CEMIP2: variants seen among roughly 807,000 people sequenced by gnomAD.
CEMIP2 encodes the protein cell migration inducing hyaluronidase 2, also known as cell surface hyaluronidase CEMIP2.
Under a neutral mutation model 146.9 loss-of-function variants are expected in CEMIP2, and 79 were observed. That is an observed-to-expected ratio of 0.54 (90% CI 0.45 to 0.65). The LOEUF (loss-of-function observed/expected upper bound fraction) is 0.65. Among genes scored for constraint, CEMIP2 ranks in the 30% least tolerant of loss-of-function variants. CEMIP2 has a pLI of 0.00. For missense variants in CEMIP2, 1,596 were observed against 1,696.2 expected, an observed-to-expected ratio of 0.94 and a Z score of 1.04; for synonymous variants, 601 against 606.3, an observed-to-expected ratio of 0.99 and a Z score of 0.13.
chr9:71,697,804 A>G, intron 20 of CEMIP2, 181 bp downstream of exon 20: 1 of 586,474 alleles, frequency 1.7e-6, no homozygotes, highest in South Asian at 2.3e-5. Flanking sequence ...TATCTCTGTC[A>G]TAAATTTGAA....
Position 71,710,467 on chromosome 9 carries a change from A to G in CEMIP2, c.2770-993T>C, listed in dbSNP as rs528921201. Among the ~76,000 whole-genome samples the G allele has an allele frequency of 1.8e-4, 27 of 152,314 alleles. No homozygotes were observed. The South Asian group carries it at 5.6e-3, about 32-fold the overall frequency. ...TTTCCTACGTGGTTAAATCTGAGAA[A>G]AGCTTAGAGCATATTTTCCACCCTT... On this transcript the variant is annotated intron_variant, in intron 16 of 23. Coordinates refer to ENST00000377044, the MANE Select transcript of CEMIP2 (RefSeq NM_013390.3).
At chr9:71,732,830 C>G (rs3780611) in intron 6 of CEMIP2, among the ~76,000 whole-genome samples, 69,036 of 150,638 alleles carry the variant, frequency 0.46, 18,666 homozygotes, top group East Asian at 0.61. Context: ...CCTCAGCCTC[C>G]CAACACAGGG....
In CEMIP2 at chr9:71,683,826, T is replaced by C. The variant is rs1821976604; in HGVS notation, c.*1371A>G. The C allele has an allele frequency of 6.5e-6, 1 of 152,822 alleles. No homozygotes were observed. The highest frequency in any genetic ancestry group is 6.5e-5 in the Admixed American group (1 of 15,298). 9.5% of individuals were successfully genotyped at this position (152,822 alleles called of 1,614,324 possible). A position where few individuals can be genotyped will look rare whatever the true frequency, so the allele number is the denominator to read the frequency against. The stretch of plus-strand genomic sequence containing the variant: ...CCTAGAAGAGGAAAGTGAAATTATC[T>C]GTACTCATTGCCAGTGTCAGCCTGA... On this transcript the variant is annotated 3_prime_UTR_variant, in exon 24 of 24. Transcript: ENST00000377044.
intron 18 of CEMIP2, among the ~76,000 whole-genome samples, chr9:71,702,241 G>A (rs1822582464): frequency 7.3e-6 from 1 of 137,702 alleles, no homozygotes; most frequent in African/African-American, 2.8e-5. Flanking sequence ...CTGAGCAACA[G>A]AGCAAGATGT....
At chr9:71,739,361 CAAAAAAAAAAAAAAAA>C (rs71353516) in intron 5 of CEMIP2, among the ~76,000 whole-genome samples, 76 of 42,850 alleles carry the variant, frequency 1.8e-3, no homozygotes, top group African/African-American at 7.7e-3. Context: ...GACTCTGTCT[CAAAAAAAAAAAAAAAA>C]AAAAAAAAAA....
chr9:71,698,229 T>TA, intron 19 of CEMIP2, 25 bp from the exon 20 acceptor site: 1 of 1,605,884 alleles, frequency 6.2e-7, no homozygotes, highest in Non-Finnish European at 8.5e-7. Context: ...AACCAATCCA[T>TA]GTAGTTAGAC....
chr9:71,740,379 C>A, intron 4 of CEMIP2, 147 bp from the exon 5 acceptor site: 2 of 863,562 alleles, frequency 2.3e-6, no homozygotes, highest in Non-Finnish European at 3.5e-6. Flanking sequence ...GCTGCAGTTC[C>A]AAACCTTGAC....
Position 71,683,440 on chromosome 9 carries a change from C to T in CEMIP2, c.*1757G>A, listed in dbSNP as rs760677198. 1 of 151,566 alleles carries T rather than the reference C, an allele frequency of 6.6e-6. No individual in the cohort carries two copies. The highest frequency in any genetic ancestry group is 1.5e-5 in the Non-Finnish European group (1 of 67,880). The allele number at this position is 151,566 out of a possible 1,614,324, so 9.4% of individuals were successfully genotyped here. On this transcript the variant is annotated 3_prime_UTR_variant, in exon 24 of 24. Coordinates refer to ENST00000377044, the MANE Select transcript of CEMIP2 (RefSeq NM_013390.3). ...TATATAAAACAGAAAAACCAAGTGC[C>T]TTGGTAATTTACATATCTTCTCCAA...
At chr9:71,700,001 T>G (rs1822514335) in intron 19 of CEMIP2, among the ~76,000 whole-genome samples, 1 of 152,186 alleles carries the variant, frequency 6.6e-6, no homozygotes, top group Non-Finnish European at 1.5e-5. Flanking sequence ...TTATAGTGCA[T>G]AGACAATGGC....
chr9:71,722,374 G>A lies in CEMIP2; in HGVS notation c.2267+53C>T, dbSNP rs1823257589. 1.2e-5 allele frequency: 17 copies of A among 1,388,698 alleles called. 1 individual carries two copies. The highest frequency in any genetic ancestry group is 2.3e-5 in the East Asian group (1 of 43,150). The allele number at this position is 1,388,698 out of a possible 1,614,324, so 86.0% of individuals were successfully genotyped here. On this transcript the variant is annotated intron_variant, in intron 12 of 23. Transcript: ENST00000377044. ...GAGCACAATAAACTCCAGTTAGAAA[G>A]TTTTGCTTTGGCAAAGTATAGCTTG...
intron 18 of CEMIP2, among the ~76,000 whole-genome samples, chr9:71,701,396 G>A (rs766998464): frequency 2.0e-5 from 3 of 152,034 alleles, no homozygotes; most frequent in South Asian, 2.1e-4. Flanking sequence ...GTGAGCCACC[G>A]TGTCCAGCCC....
At chr9:71,712,006 C>T (rs1045308073) in intron 16 of CEMIP2, 77 bp downstream of exon 16, 22 of 1,497,892 alleles carry the variant, frequency 1.5e-5, no homozygotes, top group East Asian at 2.3e-5. Flanking sequence ...AAATCCTTTG[C>T]GTTTTTGTCT....
At position 71,735,012 on chromosome 9, in the gene CEMIP2, AAAAG is replaced by A. The variant is rs1823723602; in HGVS notation, c.1205-22_1205-19del. 1 of 1,570,364 alleles carries A rather than the reference AAAAG, an allele frequency of 6.4e-7. No homozygotes were observed. ...AGAAACGCCTAAACCAAAAAAAAAA[AAAAG>A]AAAAAGAAAGTGATACATTAACAGT... On this transcript the variant is annotated intron_variant, in intron 5 of 23. Coordinates refer to ENST00000377044, the MANE Select transcript of CEMIP2 (RefSeq NM_013390.3).
At chr9:71,768,868 C>A (rs1311181958), upstream of CEMIP2, 1 of 126,916 alleles carries the variant, frequency 7.9e-6, no homozygotes, top group African/African-American at 2.9e-5. Flanking sequence ...GACAAGCAGC[C>A]CGGCTCGGCT....
intron 6 of CEMIP2, 59 bp from the exon 7 acceptor site, chr9:71,732,579 C>T (rs1823650844): frequency 2.1e-6 from 3 of 1,440,816 alleles, no homozygotes; most frequent in Non-Finnish European, 1.8e-6. Flanking sequence ...ATGAAACTCA[C>T]TTCAAAAAGA....
intron 4 of CEMIP2, among the ~76,000 whole-genome samples, chr9:71,741,293 G>A (rs1823908689): frequency 7.0e-6 from 1 of 143,158 alleles, no homozygotes; most frequent in African/African-American, 2.6e-5. Context: ...TGCCTCCCAG[G>A]TTCAAGCAAT....
intron 1 of CEMIP2, among the ~76,000 whole-genome samples, chr9:71,754,536 A>C (rs1379575887): frequency 6.6e-6 from 1 of 152,208 alleles, no homozygotes; most frequent in Non-Finnish European, 1.5e-5. Flanking sequence ...ATGAAGAAGG[A>C]GCATATGAGT....
chr9:71,735,072 C>T (rs1823726141), intron 5 of CEMIP2, 78 bp from the exon 6 acceptor site: 5 of 1,474,372 alleles, frequency 3.4e-6, no homozygotes, highest in African/African-American at 1.4e-5. Context: ...AACCCTCACA[C>T]TGATTCACAA....
At chr9:71,742,015 A>G (rs1021856932) in intron 4 of CEMIP2, among the ~76,000 whole-genome samples, 1 of 152,218 alleles carries the variant, frequency 6.6e-6, no homozygotes, top group African/African-American at 2.4e-5. Context: ...ATCAACGCAA[A>G]GGGACAATTT....
Sources: allele counts gnomAD v4.1 joint callset (sites outside exome capture counted in the v4.1 genomes callset), GRCh38; gene constraint gnomAD v4.1.1; transcripts MANE v1.5; gene names NCBI Gene and HGNC (gene_info 2026-07-23, HGNC 2026-07-21).